Variants in IL17D observed in about 807,000 individuals in gnomAD.
IL17D encodes the protein interleukin-17D.
A neutral mutation model predicts 5.7 loss-of-function variants in IL17D; 10 were observed. The observed-to-expected ratio is 1.75, with a 90% confidence interval of 1.08 to 2.97. The LOEUF is 2.97. Among genes scored for constraint, IL17D ranks in the 30% most tolerant of loss-of-function variants. The pLI is 0.00. For missense variants in IL17D, 354 were observed against 292.7 expected (o/e 1.21, Z -1.53); for synonymous variants, 172 against 141.7 (o/e 1.21, Z -1.52).
chr13:20,719,593 C>T (rs931822639), intron 1 of IL17D, among the ~76,000 whole-genome samples: 3 of 152,240 alleles, frequency 2.0e-5, no homozygotes, highest in Admixed American at 6.5e-5. Context: ...TTCAAACTAA[C>T]ACAACTATTG....
At chr13:20,711,708 C>T (rs1351897311) in intron 1 of IL17D, among the ~76,000 whole-genome samples, 1 of 152,226 alleles carries the variant, frequency 6.6e-6, no homozygotes. Context: ...CGGTATTTTC[C>T]TGTGGAGAAC....
At chr13:20,704,845 G>T (rs1212901969) in intron 1 of IL17D, among the ~76,000 whole-genome samples, 1 of 152,118 alleles carries the variant, frequency 6.6e-6, no homozygotes, top group Non-Finnish European at 1.5e-5. Flanking sequence ...TGCCCCTGTG[G>T]TCCAGAGGCT....
chr13:20,714,702 G>C (rs537173382), intron 1 of IL17D, among the ~76,000 whole-genome samples: 23 of 152,312 alleles, frequency 1.5e-4, no homozygotes, highest in African/African-American at 4.3e-4. Flanking sequence ...GGGGATCCGT[G>C]CCCTGGGCAG....
chr13:20,704,172 G>A lies in IL17D; in HGVS notation c.171G>A (p.Thr57=), dbSNP rs2058568819. The part of the protein sequence containing the change: ...AAGVLSAFHH[T]LQLGPREQAR... Reference sequence around the variant, plus strand: ...GCGTGCTCAGTGCCTTCCACCACACGCTGCAGCTGGGGCCGCGTGAGCAGG... The same window carrying A: ...GCGTGCTCAGTGCCTTCCACCACACACTGCAGCTGGGGCCGCGTGAGCAGG... Residue 57 remains threonine (T), a synonymous_variant, in exon 1 of 2, where the codon ACG becomes ACA. Coordinates refer to ENST00000682841, the MANE Select transcript of IL17D (RefSeq NM_001385224.1). 1 of 1,370,160 alleles carries A rather than the reference G, an allele frequency of 7.3e-7. No individual in the cohort carries two copies. The highest frequency in any genetic ancestry group is 3.4e-5 in the East Asian group (1 of 29,046). The allele number at this position is 1,370,160 out of a possible 1,614,324, so 84.9% of individuals were successfully genotyped here. A position where few individuals can be genotyped will look rare whatever the true frequency, so the allele number is the denominator to read the frequency against.
At chr13:20,717,842 C>T (rs970436875) in intron 1 of IL17D, among the ~76,000 whole-genome samples, 1 of 152,126 alleles carries the variant, frequency 6.6e-6, no homozygotes, top group Non-Finnish European at 1.5e-5. Context: ...TGCAGGGCTG[C>T]GCTGTATATT....
In IL17D at chr13:20,722,021, A is replaced by G; in HGVS notation, c.*67A>G. The G allele has an allele frequency of 7.3e-7, 1 of 1,375,864 alleles. No homozygotes were observed. Among genetic ancestry groups the G allele is most frequent in the Non-Finnish European group, 9.7e-7 (1 of 1,035,714 alleles). 85.2% of individuals were successfully genotyped at this position (1,375,864 alleles called of 1,614,324 possible). On this transcript the variant is annotated 3_prime_UTR_variant, in exon 2 of 2. Coordinates refer to ENST00000682841, the MANE Select transcript of IL17D (RefSeq NM_001385224.1). ...AGGCGCCCAAGCTGGAGCCGCCTGG[A>G]GGGCTCGGTCGGCGACCTCTGAAGA...
chr13:20,705,355 G>A (rs908637972), intron 1 of IL17D, among the ~76,000 whole-genome samples: 2 of 152,090 alleles, frequency 1.3e-5, no homozygotes, highest in Admixed American at 6.5e-5. Context: ...TTTGCCTGTG[G>A]GGTGGGCATC....
At chr13:20,718,776 TCA>T (rs1313038188) in intron 1 of IL17D, among the ~76,000 whole-genome samples, 1 of 115,740 alleles carries the variant, frequency 8.6e-6, no homozygotes, top group East Asian at 2.7e-4. Flanking sequence ...CCGCCCATGC[TCA>T]CACACCCACA....
intron 1 of IL17D, among the ~76,000 whole-genome samples, chr13:20,718,921 AACAC>A (rs2058708892): frequency 2.3e-5 from 1 of 44,434 alleles, no homozygotes; most frequent in Non-Finnish European, 4.6e-5. Context: ...CTCACACACC[AACAC>A]ACACCTGCCC....
chr13:20,710,896 C>G (rs1423880110), intron 1 of IL17D, among the ~76,000 whole-genome samples: 1 of 152,082 alleles, frequency 6.6e-6, no homozygotes, highest in Non-Finnish European at 1.5e-5. Context: ...GGGAGGTAAA[C>G]AAAGAAAAGG....
rs2058565862 is a variant in IL17D at position 20,704,015 on chromosome 13, G to A, written c.14G>A (p.Gly5Asp). 2.9e-6 allele frequency: 3 copies of A among 1,025,808 alleles called. No individual in the cohort carries two copies. The highest frequency in any genetic ancestry group is 3.5e-6 in the Non-Finnish European group (3 of 859,680). The allele number at this position is 1,025,808 out of a possible 1,614,324, so 63.5% of individuals were successfully genotyped here. The change falls in exon 1 of 2, where the codon GGC becomes GAC. Residue 5 changes from glycine to aspartate, a missense_variant. By Grantham distance (94) the Gly-to-Asp change is moderately conservative. Coordinates refer to ENST00000682841, the MANE Select transcript of IL17D (RefSeq NM_001385224.1). ...CCTCAGGTCTGGATGCTGGTAGCCG[G>A]CTTCCTGCTGGCGCTGCCGCCGAGC... MLVA[G>D]FLLALPPSWA...
intron 1 of IL17D, among the ~76,000 whole-genome samples, chr13:20,707,048 G>C (rs1482772952): frequency 6.6e-6 from 1 of 152,204 alleles, no homozygotes; most frequent in Non-Finnish European, 1.5e-5. Flanking sequence ...TGGCTGCTGG[G>C]CTGGGACTCC....
chr13:20,720,669 C>A (rs994421672), intron 1 of IL17D, among the ~76,000 whole-genome samples: 1 of 152,196 alleles, frequency 6.6e-6, no homozygotes, highest in African/African-American at 2.4e-5. Flanking sequence ...GCCACCCCGA[C>A]TGGAAGCCTT....
chr13:20,721,597 G>A (rs1400303593), intron 1 of IL17D, 39 bp from the exon 2 acceptor site: 3 of 1,520,398 alleles, frequency 2.0e-6, no homozygotes, highest in Admixed American at 1.9e-5. Context: ...GCGCGGGGCT[G>A]CCCCCAGGCG....
Position 20,716,894 on chromosome 13 carries a change from G to C in IL17D, c.291-4742G>C, listed in dbSNP as rs1024281239. ...CATGTTTTGCAAGGTGGGAGGGTGA[G>C]CCACATCAAGGCGCGTGTGCCAACC... On this transcript the variant is annotated intron_variant, in intron 1 of 1. Coordinates refer to ENST00000682841, the MANE Select transcript of IL17D (RefSeq NM_001385224.1). The surrounding 1 kb of genome is among the most constrained non-coding windows in gnomAD (Gnocchi z 4.2). Among the ~76,000 whole-genome samples, 2 of 152,190 alleles carry C rather than the reference G, an allele frequency of 1.3e-5. No individual in the cohort carries two copies. The highest frequency in any genetic ancestry group is 4.8e-5 in the African/African-American group (2 of 41,454).
upstream of IL17D, chr13:20,701,877 A>C (rs1021662999): frequency 6.6e-6 from 1 of 152,230 alleles, no homozygotes; most frequent in Non-Finnish European, 1.5e-5. Flanking sequence ...AAACTGCTGG[A>C]AAGTAAATAT....
chr13:20,719,249 C>A (rs116529438), intron 1 of IL17D, among the ~76,000 whole-genome samples: 1 of 146,682 alleles, frequency 6.8e-6, no homozygotes, highest in African/African-American at 2.5e-5. Context: ...ACGCACCTGC[C>A]CAAACATGCC....
In IL17D at chr13:20,722,074, A is replaced by G; in HGVS notation, c.*120A>G. 1 of 804,084 alleles carries G rather than the reference A, an allele frequency of 1.2e-6. No individual in the cohort carries two copies. Among genetic ancestry groups the G allele is most frequent in the Non-Finnish European group, 1.9e-6 (1 of 532,162 alleles). The allele number at this position is 804,084 out of a possible 1,614,324, so 49.8% of individuals were successfully genotyped here. On this transcript the variant is annotated 3_prime_UTR_variant, in exon 2 of 2. Transcript: ENST00000682841. ...GTGCACCGAGCAAACCAAGTGCCGG[A>G]GCACCAGCGCCGCCTTTCCATGGAG...
At position 20,715,004 on chromosome 13, in the gene IL17D, G is replaced by A. The variant is rs113377979; in HGVS notation, c.291-6632G>A. Among the ~76,000 whole-genome samples, 18 of 152,304 alleles carry A rather than the reference G, an allele frequency of 1.2e-4. No homozygotes were observed. The South Asian group carries it at 3.5e-3, about 30-fold the overall frequency. ...CCCACAGCCGTCCTGGCTGCACATA[G>A]TGCTTCCAATGTGGTGGTCCTGCCC... On this transcript the variant is annotated intron_variant, in intron 1 of 1. Transcript: ENST00000682841.
Sources: gnomAD v4.1 joint callset for allele counts (sites outside exome capture counted in the v4.1 genomes callset) on GRCh38, gnomAD v4.1.1 for gene constraint, Gnocchi (gnomAD v3.1) non-coding constraint, MANE v1.5 for transcripts, NCBI Gene and HGNC (gene_info 2026-07-23, HGNC 2026-07-21) for gene names.